Variants in DEPDC5 observed in about 807,000 individuals in gnomAD.
DEPDC5 encodes GATOR1 complex protein DEPDC5.
DEPDC5 carries 73 observed loss-of-function variants against 217.3 expected under a neutral mutation model. The ratio of observed to expected loss-of-function variants is 0.34; its 90% CI spans 0.28 to 0.41. The LOEUF is 0.41. Ranked by LOEUF, DEPDC5 falls within the 10% of genes least tolerant of loss-of-function variation. The pLI, the probability that DEPDC5 is intolerant of heterozygous loss-of-function variation, is 1.00. For missense variants in DEPDC5, 1,675 were observed against 2,070.1 expected, an observed-to-expected ratio of 0.81 and a Z score of 3.70; for synonymous variants, 733 against 756.7, an observed-to-expected ratio of 0.97 and a Z score of 0.51.
intron 3 of DEPDC5, among the ~76,000 whole-genome samples, chr22:31,759,217 G>T (rs909713136): frequency 6.6e-6 from 1 of 151,598 alleles, no homozygotes; most frequent in African/African-American, 2.4e-5. Flanking sequence ...CAGGTATGAG[G>T]CACCGCACCT....
intron 17 of DEPDC5, among the ~76,000 whole-genome samples, chr22:31,805,510 T>TTTTTTTTTAAGACGGAG (rs1352193569): frequency 1.3e-5 from 2 of 151,964 alleles, no homozygotes; most frequent in Non-Finnish European, 2.9e-5. Flanking sequence ...TTCTTTCTTT[T>TTTTTTTTTAAGACGGAG]TTTTTTTTAA....
intron 6 of DEPDC5, 111 bp downstream of exon 6, chr22:31,766,779 C>G: frequency 1.1e-6 from 1 of 901,030 alleles, no homozygotes; most frequent in South Asian, 1.5e-5. Context: ...TCAGCATCTA[C>G]AGACAATTAT....
Position 31,861,949 on chromosome 22 carries a change from T to A in DEPDC5, c.3330+516T>A, listed in dbSNP as rs1002610731. Among the ~76,000 whole-genome samples the A allele has an allele frequency of 3.3e-5, 5 of 152,302 alleles. No homozygotes were observed. In the East Asian group the frequency reaches 7.7e-4, roughly 23 times the overall value. On this transcript the variant is annotated intron_variant, in intron 33 of 42. Transcript: ENST00000651528. ...CTTAAATTATTTGTCAGTTAAAAGA[T>A]TTGGATGAGCCGGGTGCGGTGGCTC...
intron 33 of DEPDC5, among the ~76,000 whole-genome samples, chr22:31,864,514 A>G (rs1214511575): frequency 1.4e-5 from 2 of 139,520 alleles, no homozygotes; most frequent in African/African-American, 5.4e-5. Context: ...ATATATATAT[A>G]TATATATATA....
intron 4 of DEPDC5, among the ~76,000 whole-genome samples, chr22:31,761,189 G>T (rs5753777): frequency 0.014 from 2,079 of 152,172 alleles, 16 homozygotes; most frequent in Middle Eastern, 0.031. Context: ...CACCGTGTTA[G>T]CCAGGATGGT....
At chr22:31,871,762 A>T (rs1355472457) in intron 34 of DEPDC5, among the ~76,000 whole-genome samples, 1 of 152,228 alleles carries the variant, frequency 6.6e-6, no homozygotes, top group Non-Finnish European at 1.5e-5. Flanking sequence ...ACCAAAAATG[A>T]CATGGCAGGT....
chr22:31,832,273 T>G (rs1602255497), intron 24 of DEPDC5, among the ~76,000 whole-genome samples: 1 of 152,226 alleles, frequency 6.6e-6, no homozygotes, highest in East Asian at 1.9e-4. Flanking sequence ...CGTACGAACT[T>G]AAGTTTTCAT....
At position 31,906,099 on chromosome 22, in the gene DEPDC5, G is replaced by A. The variant is rs1302949135; in HGVS notation, c.4519+33G>A. 1.2e-6 allele frequency: 2 copies of A among 1,613,698 alleles called. No homozygotes were observed. Among genetic ancestry groups the A allele is most frequent in the Non-Finnish European group, 8.5e-7 (1 of 1,179,748 alleles). ...GCTACGGGCAGAGTTGGGCAGGTGG[G>A]TCCACATCCCTTTCCTTGCACCAAG... On this transcript the variant is annotated intron_variant, in intron 42 of 42. Transcript: ENST00000651528. This position sits in a 1 kb window ranked among gnomAD's most constrained non-coding sequence, Gnocchi z 5.1.
At position 31,804,873 on chromosome 22, in the gene DEPDC5, G is replaced by C. The variant is rs575467056; in HGVS notation, c.1175G>C (p.Arg392Pro). 2 of 1,613,934 alleles carry C rather than the reference G, an allele frequency of 1.2e-6. No homozygotes were observed. The highest frequency in any genetic ancestry group is 2.2e-5 in the East Asian group (1 of 44,868). The change falls in exon 17 of 43, where the codon CGT becomes CCT. Residue 392 changes from arginine (R) to proline (P), a missense_variant. By Grantham distance (103) the Arg-to-Pro change is moderately radical. This residue lies in a region of DEPDC5 where 628 missense variants were observed against 762.1 expected (regional missense o/e 0.82). Transcript: ENST00000651528. ...LHNRSAPRDS[R>P]LGDDYNIPHW... ...AATCGGAGTGCTCCCCGTGATTCTCGTCTGGGCGATGACTATAATATCCCT... is the reference window on the plus strand; with the variant it reads ...AATCGGAGTGCTCCCCGTGATTCTCCTCTGGGCGATGACTATAATATCCCT...
chr22:31,820,434 A>G (rs904544408), intron 22 of DEPDC5, among the ~76,000 whole-genome samples: 1 of 151,946 alleles, frequency 6.6e-6, no homozygotes, highest in Non-Finnish European at 1.5e-5. Context: ...TATTTTTTTC[A>G]TGGAAACCAT....
intron 38 of DEPDC5, among the ~76,000 whole-genome samples, chr22:31,885,121 T>G (rs1362460018): frequency 6.6e-6 from 1 of 152,166 alleles, no homozygotes; most frequent in Non-Finnish European, 1.5e-5. Flanking sequence ...CAGAGAGACC[T>G]CTTCAAATGG....
intron 4 of DEPDC5, among the ~76,000 whole-genome samples, chr22:31,762,223 T>G (rs1177768559): frequency 6.6e-6 from 1 of 152,172 alleles, no homozygotes; most frequent in African/African-American, 2.4e-5. Flanking sequence ...GGGAGCTTTG[T>G]GTAATCTAGC....
intron 7 of DEPDC5, among the ~76,000 whole-genome samples, chr22:31,770,111 G>A (rs948041976): frequency 2.0e-5 from 3 of 149,916 alleles, no homozygotes; most frequent in Admixed American, 6.7e-5. Flanking sequence ...GTGTGCGACT[G>A]TAGTCCCAGC....
chr22:31,812,591 AT>A (rs765846697), intron 20 of DEPDC5, among the ~76,000 whole-genome samples: 2 of 144,992 alleles, frequency 1.4e-5, no homozygotes, highest in African/African-American at 2.5e-5. Context: ...CGCCCAGCTA[AT>A]TTTTTGTATT....
intron 2 of DEPDC5, chr22:31,755,649 C>G (rs1246844038): frequency 6.6e-6 from 1 of 151,682 alleles, no homozygotes; most frequent in African/African-American, 2.4e-5. Context: ...AAAGATCCTT[C>G]CACCTCAACC....
intron 31 of DEPDC5, among the ~76,000 whole-genome samples, chr22:31,852,490 G>A (rs377596192): frequency 1.1e-4 from 16 of 151,924 alleles, no homozygotes; most frequent in African/African-American, 3.1e-4. Flanking sequence ...ACAGGCATGC[G>A]CCACCACCCC....
chr22:31,803,705 G>A (rs938129351), intron 15 of DEPDC5, among the ~76,000 whole-genome samples: 8 of 151,828 alleles, frequency 5.3e-5, no homozygotes, highest in South Asian at 2.1e-4. Context: ...GTGATCTCAC[G>A]CCACTGCATG....
intron 14 of DEPDC5, among the ~76,000 whole-genome samples, chr22:31,799,709 C>A (rs1456574939): frequency 2.0e-5 from 3 of 150,848 alleles, no homozygotes; most frequent in African/African-American, 7.3e-5. Context: ...ACCGTATTGG[C>A]CAGGCTGGTC....
intron 36 of DEPDC5, 124 bp from the exon 37 acceptor site, chr22:31,876,033 C>G (rs1035836238): frequency 1.5e-6 from 1 of 683,892 alleles, no homozygotes; most frequent in African/African-American, 1.8e-5. Context: ...CATGTCTAAT[C>G]TGGGGGTGGA....
Sources: allele counts gnomAD v4.1 joint callset (sites outside exome capture counted in the v4.1 genomes callset), GRCh38; gene constraint gnomAD v4.1.1; regional missense constraint gnomAD v4.1.1; non-coding constraint Gnocchi (gnomAD v3.1); transcripts MANE v1.5; gene names NCBI Gene and HGNC (gene_info 2026-07-23, HGNC 2026-07-21).